PTPRJ: variants seen among roughly 807,000 people sequenced by gnomAD.
PTPRJ encodes the protein protein tyrosine phosphatase receptor type J, also known as receptor-type tyrosine-protein phosphatase eta.
In PTPRJ, 129 loss-of-function variants were observed where a neutral mutation model predicts 141.3. The ratio of observed to expected loss-of-function variants is 0.91; its 90% CI spans 0.79 to 1.06. The LOEUF (loss-of-function observed/expected upper bound fraction) is 1.06, where lower values mean the gene tolerates loss of function less well. Ranked by LOEUF, PTPRJ falls within the 50% of genes least tolerant of loss-of-function variation. The probability of loss-of-function intolerance (pLI) is 0.00; values close to 1 mark genes in which losing one functional copy is unlikely to be tolerated. For missense variants in PTPRJ, 1,601 were observed against 1,679.7 expected (o/e 0.95, Z 0.82); for synonymous variants, 610 against 640.5 (o/e 0.95, Z 0.72).
intron 1 of PTPRJ, among the ~76,000 whole-genome samples, chr11:48,087,073 A>G (rs1402414193): frequency 1.3e-5 from 2 of 152,194 alleles, no homozygotes; most frequent in African/African-American, 4.8e-5. Flanking sequence ...TTGATAGTTG[A>G]CTTGTATAAT....
At chr11:48,026,111 G>A (rs1171040105) in intron 1 of PTPRJ, among the ~76,000 whole-genome samples, 2 of 152,194 alleles carry the variant, frequency 1.3e-5, no homozygotes, top group Admixed American at 6.5e-5. Flanking sequence ...CAGCCCTTAT[G>A]ACATAGCTGT....
chr11:48,081,792 C>T (rs1485234413), intron 1 of PTPRJ, among the ~76,000 whole-genome samples: 2 of 152,144 alleles, frequency 1.3e-5, no homozygotes, highest in Non-Finnish European at 2.9e-5. Flanking sequence ...CATCATAAAG[C>T]TTCTTTCTTC....
chr11:48,143,275 TAG>T (rs1462367089), intron 12 of PTPRJ, among the ~76,000 whole-genome samples: 2 of 152,222 alleles, frequency 1.3e-5, no homozygotes, highest in African/African-American at 4.8e-5. Flanking sequence ...GCAGGTGGTA[TAG>T]AGTCTGTTGC....
At chr11:48,106,763 C>CTTTTTTTTTTTTTT (rs35643138) in intron 1 of PTPRJ, among the ~76,000 whole-genome samples, 1 of 86,440 alleles carries the variant, frequency 1.2e-5, no homozygotes, top group African/African-American at 4.4e-5. Flanking sequence ...TTCTTTCTTT[C>CTTTTTTTTTTTTTT]TTTTTTTTTT....
intron 1 of PTPRJ, among the ~76,000 whole-genome samples, chr11:48,009,155 T>G: frequency 6.6e-6 from 1 of 152,184 alleles, no homozygotes; most frequent in East Asian, 1.9e-4. Flanking sequence ...GGAAACAACC[T>G]AAGTATTGAG....
At chr11:47,988,016 C>T (rs527988274) in intron 1 of PTPRJ, among the ~76,000 whole-genome samples, 3 of 152,342 alleles carry the variant, frequency 2.0e-5, no homozygotes, top group Non-Finnish European at 4.4e-5. Context: ...GAAACTTGGG[C>T]GGACAATGTC....
Position 48,139,610 on chromosome 11 carries a change from G to A in PTPRJ, c.2277G>A (p.Trp759Ter). ...GFELEVSSGA[W>*]NNATHLESCS... ...AGCTGGAGGTCAGCAGTGGAGCCTG[G>A]AACAATGCGACCCACCTGGAGAGCT... The change falls in exon 11 of 25, where the codon TGG becomes TGA. Residue 759 changes from tryptophan (W) to a stop codon, truncating the protein, a stop_gained. Coordinates refer to ENST00000418331, the MANE Select transcript of PTPRJ (RefSeq NM_002843.4). LOFTEE classifies it high-confidence loss of function. 6.2e-7 allele frequency: 1 copy of A among 1,614,244 alleles called. No individual in the cohort carries two copies. Among genetic ancestry groups the A allele is most frequent in the Non-Finnish European group, 8.5e-7 (1 of 1,180,046 alleles).
At chr11:48,021,585 G>C (rs1029567141) in intron 1 of PTPRJ, among the ~76,000 whole-genome samples, 1 of 151,944 alleles carries the variant, frequency 6.6e-6, no homozygotes, top group Non-Finnish European at 1.5e-5. Context: ...TAAAATTTCA[G>C]CCATTGTGTA....
At chr11:48,073,717 T>C (rs545265872) in intron 1 of PTPRJ, among the ~76,000 whole-genome samples, 1 of 152,268 alleles carries the variant, frequency 6.6e-6, no homozygotes, top group African/African-American at 2.4e-5. Flanking sequence ...TCAAGTTCAG[T>C]TTCTCTTCTC....
chr11:48,131,848 T>G (rs1590541671), intron 8 of PTPRJ: 1 of 277,654 alleles, frequency 3.6e-6, no homozygotes, highest in East Asian at 6.1e-5. Context: ...CAAGGTAGTA[T>G]TATCATAACA....
At chr11:48,062,059 C>A (rs989486602) in intron 1 of PTPRJ, among the ~76,000 whole-genome samples, 2 of 151,718 alleles carry the variant, frequency 1.3e-5, no homozygotes, top group African/African-American at 4.8e-5. Flanking sequence ...CATACACCAC[C>A]ATGCCTGGCT....
At position 48,116,148 on chromosome 11, in the gene PTPRJ, G is replaced by A. The variant is rs187466286; in HGVS notation, c.352+3165G>A. Among the ~76,000 whole-genome samples the A allele has an allele frequency of 4.0e-5, 6 of 151,050 alleles. No homozygotes were observed. The South Asian group carries it at 6.3e-4, about 16-fold the overall frequency. On this transcript the variant is annotated intron_variant, in intron 3 of 24. Coordinates refer to ENST00000418331, the MANE Select transcript of PTPRJ (RefSeq NM_002843.4). ...CGTGAATGGGTTAAAAAAAAAAACC[G>A]ATCTCAATAGTATGCTGTCTACAAG...
At chr11:48,062,224 G>A (rs1346441369) in intron 1 of PTPRJ, among the ~76,000 whole-genome samples, 2 of 151,422 alleles carry the variant, frequency 1.3e-5, no homozygotes, top group Non-Finnish European at 2.9e-5. Flanking sequence ...TTAAAAAAGT[G>A]CCTGGCAGGC....
intron 1 of PTPRJ, among the ~76,000 whole-genome samples, chr11:48,029,357 A>G (rs563157660): frequency 6.6e-6 from 1 of 152,356 alleles, no homozygotes; most frequent in Non-Finnish European, 1.5e-5. Flanking sequence ...TAATGCATTT[A>G]CATGTTACAT....
chr11:48,034,652 T>G (rs73464830), intron 1 of PTPRJ, among the ~76,000 whole-genome samples: 2,343 of 152,296 alleles, frequency 0.015, 58 homozygotes, highest in African/African-American at 0.054. Context: ...TAGGTACTAT[T>G]ATTTTGCTCA....
At chr11:48,080,056 A>G (rs951897131) in intron 1 of PTPRJ, among the ~76,000 whole-genome samples, 1 of 152,206 alleles carries the variant, frequency 6.6e-6, no homozygotes, top group Non-Finnish European at 1.5e-5. Context: ...CCATCAGTCC[A>G]GGACAGTTCC....
At position 48,046,902 on chromosome 11, in the gene PTPRJ, ATATATATATATT is replaced by A. The variant is rs1397557731; in HGVS notation, c.97-63154_97-63143del. ...ATAATATGTTTACATATATATATAT[ATATATATATATT>A]TTTTTTTTTTTTTTTTTTTGAGATA... On this transcript the variant is annotated intron_variant, in intron 1 of 24. Coordinates refer to ENST00000418331, the MANE Select transcript of PTPRJ (RefSeq NM_002843.4). Among the ~76,000 whole-genome samples, 54 of 87,324 alleles carry A rather than the reference ATATATATATATT, an allele frequency of 6.2e-4. 1 individual carries two copies. The South Asian group carries it at 0.017, about 27-fold the overall frequency. 57.3% of individuals were successfully genotyped at this position (87,324 alleles called of 152,430 possible).
intron 1 of PTPRJ, among the ~76,000 whole-genome samples, chr11:48,010,223 G>C (rs182732681): frequency 1.3e-5 from 2 of 152,052 alleles, no homozygotes; most frequent in Admixed American, 1.3e-4. Context: ...TGTCGCCCAG[G>C]CTGGAGTAGA....
chr11:47,984,844 C>A (rs2134171917), intron 1 of PTPRJ, among the ~76,000 whole-genome samples: 1 of 151,870 alleles, frequency 6.6e-6, no homozygotes, highest in Admixed American at 6.6e-5. Context: ...TAGGCGTGAG[C>A]CACTGTGCCC....
Sources: allele counts gnomAD v4.1 joint callset (sites outside exome capture counted in the v4.1 genomes callset), GRCh38; gene constraint gnomAD v4.1.1; transcripts MANE v1.5; gene names NCBI Gene and HGNC (gene_info 2026-07-23, HGNC 2026-07-21).